Variants in UBE2E2 observed in about 807,000 individuals in gnomAD.
The protein encoded by UBE2E2 is ubiquitin-conjugating enzyme E2 E2.
In UBE2E2, 6 loss-of-function variants were observed where a neutral mutation model predicts 24.7. That is an observed-to-expected ratio of 0.24 (90% CI 0.13 to 0.48). The LOEUF is 0.48. Among genes scored for constraint, UBE2E2 ranks in the 20% least tolerant of loss-of-function variants. The pLI is 0.99. For missense variants in UBE2E2, 169 were observed against 245.0 expected (o/e 0.69, Z 2.07); for synonymous variants, 104 against 83.6 (o/e 1.24, Z -1.33).
intron 1 of UBE2E2, among the ~76,000 whole-genome samples, chr3:23,207,267 C>T (rs1164408428): frequency 1.3e-5 from 2 of 152,144 alleles, no homozygotes; most frequent in African/African-American, 4.8e-5. Flanking sequence ...TACTCCTTTT[C>T]ACTTACTGGA....
chr3:23,339,086 T>C (rs1326857391), intron 3 of UBE2E2, among the ~76,000 whole-genome samples: 2 of 152,294 alleles, frequency 1.3e-5, no homozygotes, highest in African/African-American at 4.8e-5. Flanking sequence ...TAATGAGACA[T>C]GGATATCATG....
chr3:23,292,247 G>A (rs1575537136), intron 3 of UBE2E2, among the ~76,000 whole-genome samples: 1 of 152,184 alleles, frequency 6.6e-6, no homozygotes, highest in African/African-American at 2.4e-5. Flanking sequence ...AAAGTTCTGG[G>A]ATTACAGGCA....
chr3:23,344,745 G>C (rs1447816764), intron 3 of UBE2E2, among the ~76,000 whole-genome samples: 1 of 151,622 alleles, frequency 6.6e-6, no homozygotes, highest in Non-Finnish European at 1.5e-5. Flanking sequence ...GGTGGTGTGT[G>C]CTTGTAGTCC....
intron 5 of UBE2E2, among the ~76,000 whole-genome samples, chr3:23,569,553 A>C (rs1461513138): frequency 1.3e-5 from 2 of 152,172 alleles, no homozygotes; most frequent in Non-Finnish European, 2.9e-5. Flanking sequence ...TGTTTCCTCC[A>C]CTACTTGCTG....
At chr3:23,400,635 CA>C (rs1374676381) in intron 3 of UBE2E2, among the ~76,000 whole-genome samples, 2 of 151,894 alleles carry the variant, frequency 1.3e-5, no homozygotes, top group African/African-American at 4.8e-5. Flanking sequence ...CACACACACA[CA>C]CACACATCTC....
chr3:23,366,493 G>A (rs892533393), intron 3 of UBE2E2, among the ~76,000 whole-genome samples: 7 of 152,102 alleles, frequency 4.6e-5, no homozygotes, highest in Admixed American at 1.3e-4. Flanking sequence ...GAGATCCTTC[G>A]CTTTGCAACA....
In UBE2E2 at chr3:23,373,136, G is replaced by A. The variant is rs1452015492; in HGVS notation, c.228-126472G>A. On this transcript the variant is annotated intron_variant, in intron 3 of 5. Transcript: ENST00000396703. ...TCCTCCTCAACTCCCCATGGAAACT[G>A]TCTCCCCTGAACAGTGCTTTGTAGA... Among the ~76,000 whole-genome samples, 5 of 152,254 alleles carry A rather than the reference G, an allele frequency of 3.3e-5. No homozygotes were observed. In the East Asian group the frequency reaches 9.7e-4, roughly 29 times the overall value.
chr3:23,352,083 T>A (rs1365549027), intron 3 of UBE2E2, among the ~76,000 whole-genome samples: 1 of 152,018 alleles, frequency 6.6e-6, no homozygotes, highest in Non-Finnish European at 1.5e-5. Context: ...AGAAACTCAC[T>A]CAAAACCGTG....
At chr3:23,568,734 C>A (rs936796240) in intron 5 of UBE2E2, among the ~76,000 whole-genome samples, 4 of 131,408 alleles carry the variant, frequency 3.0e-5, no homozygotes, top group African/African-American at 1.2e-4. Context: ...TATATGTATA[C>A]ATATATATAT....
At chr3:23,356,689 T>A (rs1695964546) in intron 3 of UBE2E2, among the ~76,000 whole-genome samples, 2 of 152,222 alleles carry the variant, frequency 1.3e-5, no homozygotes, top group Non-Finnish European at 2.9e-5. Context: ...TTAGAAAATC[T>A]TCTCATATCA....
chr3:23,349,590 A>G (rs532274437), intron 3 of UBE2E2, among the ~76,000 whole-genome samples: 1 of 152,236 alleles, frequency 6.6e-6, no homozygotes, highest in Non-Finnish European at 1.5e-5. Flanking sequence ...TATCCCACGC[A>G]AGGCTCGGAG....
intron 3 of UBE2E2, among the ~76,000 whole-genome samples, chr3:23,420,198 A>G (rs549312164): frequency 4.6e-5 from 7 of 152,302 alleles, no homozygotes; most frequent in East Asian, 1.9e-4. Flanking sequence ...ATCTATGTCT[A>G]TTCATACTTG....
intron 3 of UBE2E2, among the ~76,000 whole-genome samples, chr3:23,274,404 G>C (rs112933181): frequency 2.0e-5 from 3 of 151,758 alleles, no homozygotes; most frequent in African/African-American, 7.3e-5. Context: ...CCACTGTGTT[G>C]CGGCAGGCTG....
chr3:23,363,632 C>T (rs1221086587), intron 3 of UBE2E2, among the ~76,000 whole-genome samples: 1 of 152,186 alleles, frequency 6.6e-6, no homozygotes, highest in East Asian at 1.9e-4. Context: ...ACCCCTGGAG[C>T]ACCCAGACTC....
At chr3:23,334,515 G>T (rs1174496146) in intron 3 of UBE2E2, among the ~76,000 whole-genome samples, 1 of 151,988 alleles carries the variant, frequency 6.6e-6, no homozygotes, top group Non-Finnish European at 1.5e-5. Flanking sequence ...ATTTTTTAAT[G>T]ACCAGAAATT....
chr3:23,508,189 G>A (rs1388705975), intron 4 of UBE2E2, among the ~76,000 whole-genome samples: 1 of 152,182 alleles, frequency 6.6e-6, no homozygotes, highest in Non-Finnish European at 1.5e-5. Context: ...AAATGAATGT[G>A]ATGATTAAAA....
chr3:23,274,793 T>G (rs958224896), intron 3 of UBE2E2, among the ~76,000 whole-genome samples: 2 of 152,270 alleles, frequency 1.3e-5, no homozygotes, highest in Non-Finnish European at 2.9e-5. Flanking sequence ...GTAGCTCTTA[T>G]TATTTCTTTA....
At chr3:23,542,287 C>T (rs1034797177) in intron 5 of UBE2E2, among the ~76,000 whole-genome samples, 3 of 152,122 alleles carry the variant, frequency 2.0e-5, no homozygotes, top group African/African-American at 7.2e-5. Context: ...TGCATCTTTT[C>T]TGTAGATTCA....
intron 3 of UBE2E2, among the ~76,000 whole-genome samples, chr3:23,350,186 G>C (rs985128873): frequency 6.6e-6 from 1 of 152,206 alleles, no homozygotes; most frequent in Non-Finnish European, 1.5e-5. Flanking sequence ...CTGTCTGTTA[G>C]AAGGAAAACT....
Sources: gnomAD v4.1 joint callset for allele counts (sites outside exome capture counted in the v4.1 genomes callset) on GRCh38, gnomAD v4.1.1 for gene constraint, MANE v1.5 for transcripts, NCBI Gene and HGNC (gene_info 2026-07-23, HGNC 2026-07-21) for gene names.